The following TP73 variants were observed in gnomAD, a reference collection of about 807,000 sequenced individuals.
TP73 encodes tumor protein p73.
A neutral mutation model predicts 62.5 loss-of-function variants in TP73; 25 were observed. The observed-to-expected ratio is 0.40, with a 90% CI of 0.29 to 0.56. The LOEUF (loss-of-function observed/expected upper bound fraction) is 0.56, where lower values mean the gene tolerates loss of function less well. Among genes scored for constraint, TP73 ranks in the 20% least tolerant of loss-of-function variants. The pLI is 0.46. For synonymous variants in TP73, 423 were observed against 377.5 expected, an observed-to-expected ratio of 1.12 and a Z score of -1.40; for missense variants, 754 against 913.3, an observed-to-expected ratio of 0.83 and a Z score of 2.25.
At chr1:3,719,984 C>T (rs1405128216) in intron 4 of TP73, among the ~76,000 whole-genome samples, 2 of 151,238 alleles carry the variant, frequency 1.3e-5, no homozygotes, top group East Asian at 1.9e-4. Context: ...GGTGCGATCT[C>T]GGCTCACTGC....
Position 3,733,070 on chromosome 1 carries a change from G to C in TP73, c.1902G>C (p.Glu634Asp), listed in dbSNP as rs1011152005. The C allele has an allele frequency of 1.3e-6, 2 of 1,534,986 alleles. No homozygotes were observed. Among genetic ancestry groups the C allele is most frequent in the African/African-American group, 1.4e-5 (1 of 72,990 alleles). Residue 634 changes from glutamate to aspartate, a missense_variant, in exon 14 of 14, where the codon GAG becomes GAC. Physicochemically the swap from Glu to Asp is conservative, Grantham distance 45. This residue lies in a region of TP73 where 458 missense variants were observed against 528.7 expected (regional missense o/e 0.87). Transcript: ENST00000378295. The part of the protein sequence containing the change: ...QPIKEEFTEA[E>D]IH ...TCAAGGAGGAGTTCACGGAGGCCGAGATCCACTGAGGGCCTCGCCTGGCTG... is the reference window on the plus strand; with the variant it reads ...TCAAGGAGGAGTTCACGGAGGCCGACATCCACTGAGGGCCTCGCCTGGCTG...
chr1:3,729,625 G>A, intron 10 of TP73, 177 bp downstream of exon 10: 1 of 1,175,180 alleles, frequency 8.5e-7, no homozygotes, highest in Non-Finnish European at 1.2e-6. Context: ...TCTAGCACTT[G>A]GGGCTGCCCT....
At chr1:3,678,563 G>A (rs1173429306) in intron 1 of TP73, among the ~76,000 whole-genome samples, 4 of 152,258 alleles carry the variant, frequency 2.6e-5, no homozygotes, top group East Asian at 1.9e-4. Flanking sequence ...CAGGCATCTC[G>A]TGGCTTCCGG....
At chr1:3,669,670 G>A (rs1330892640) in intron 1 of TP73, among the ~76,000 whole-genome samples, 3 of 152,232 alleles carry the variant, frequency 2.0e-5, no homozygotes, top group Non-Finnish European at 4.4e-5. Flanking sequence ...CCATGCCCCG[G>A]CCTCCCCGGC....
rs577760486 is a variant in TP73 at position 3,682,814 on chromosome 1, G to A, written c.66-246G>A. 2.2e-4 allele frequency among the ~76,000 whole-genome samples: 33 copies of A among 152,364 alleles called. 1 individual carries two copies. In the South Asian group the frequency reaches 6.6e-3, roughly 31 times the overall value. ...CAGACTCTTTTCTCTGGCCAGCTCT[G>A]GAGAGGGCCCATGGCCAGCAGAGGC... On this transcript the variant is annotated intron_variant, in intron 2 of 13. Coordinates refer to ENST00000378295, the MANE Select transcript of TP73 (RefSeq NM_005427.4).
In TP73 at chr1:3,701,850, G is replaced by A. The variant is rs377082776; in HGVS notation, c.187-5699G>A. On this transcript the variant is annotated intron_variant, in intron 3 of 13. Coordinates refer to ENST00000378295, the MANE Select transcript of TP73 (RefSeq NM_005427.4). The surrounding 1 kb of genome is among the most constrained non-coding windows in gnomAD (Gnocchi z 4.7). ...ATCCCCACTCTGCAGATGAGAAAAC[G>A]AAGACCTAGGGAGGTGGAGCGATGG... Among the ~76,000 whole-genome samples, 27 of 152,280 alleles carry A rather than the reference G, an allele frequency of 1.8e-4. 1 individual carries two copies. The highest frequency in any genetic ancestry group is 1.4e-3 in the East Asian group (7 of 5,178).
chr1:3,732,268 CCTCG>C (rs1179679272), intron 13 of TP73, among the ~76,000 whole-genome samples: 1 of 152,216 alleles, frequency 6.6e-6, no homozygotes, highest in Non-Finnish European at 1.5e-5. Context: ...CCTAACTGTC[CCTCG>C]TGCAGAGAGT....
chr1:3,664,988 T>C (rs146057553), intron 1 of TP73, among the ~76,000 whole-genome samples: 9 of 152,122 alleles, frequency 5.9e-5, no homozygotes, highest in African/African-American at 2.2e-4. Context: ...GCCCCCAAAT[T>C]ACAGAGGAAA....
At chr1:3,724,772 A>C (rs1641367459) in intron 6 of TP73, among the ~76,000 whole-genome samples, 1 of 152,236 alleles carries the variant, frequency 6.6e-6, no homozygotes, top group Non-Finnish European at 1.5e-5. Context: ...TAATCCAAGC[A>C]CTTTGGGAGG....
chr1:3,699,124 G>A lies in TP73; in HGVS notation c.187-8425G>A, dbSNP rs1413185404. 6.6e-6 allele frequency among the ~76,000 whole-genome samples: 1 copy of A among 150,726 alleles called. No individual in the cohort carries two copies. The highest frequency in any genetic ancestry group is 1.9e-4 in the East Asian group (1 of 5,200). Reference sequence around the variant, plus strand: ...GAGCAGAGGGTGCTGTGTGCACATTGTCGGGAGAGGGAGGCTTCCCCCCAG... The same window carrying A: ...GAGCAGAGGGTGCTGTGTGCACATTATCGGGAGAGGGAGGCTTCCCCCCAG... On this transcript the variant is annotated intron_variant, in intron 3 of 13. Transcript: ENST00000378295. This position sits in a 1 kb window ranked among gnomAD's most constrained non-coding sequence, Gnocchi z 4.1.
chr1:3,686,743 C>T lies in TP73; in HGVS notation c.186+3563C>T, dbSNP rs189571787. On this transcript the variant is annotated intron_variant, in intron 3 of 13. Coordinates refer to ENST00000378295, the MANE Select transcript of TP73 (RefSeq NM_005427.4). ...AGGTGGCCCAGAAAGTCCAGCAGGC[C>T]GAGGTGGGTGTGGCTGGGGGCTCCG... 1.7e-4 allele frequency among the ~76,000 whole-genome samples: 26 copies of T among 152,264 alleles called. No individual in the cohort carries two copies. The South Asian group carries it at 3.9e-3, about 23-fold the overall frequency.
intron 10 of TP73, 153 bp downstream of exon 10, chr1:3,729,601 CCT>C: frequency 7.2e-7 from 1 of 1,387,606 alleles, no homozygotes; most frequent in Non-Finnish European, 1.0e-6. Context: ...CACATCTCCT[CCT>C]CCAGGAAGCC....
At chr1:3,710,632 C>T (rs1056150882) in intron 4 of TP73, among the ~76,000 whole-genome samples, 1 of 152,254 alleles carries the variant, frequency 6.6e-6, no homozygotes, top group Non-Finnish European at 1.5e-5. Context: ...AAAACACCCT[C>T]ACCAGCCCCC....
intron 1 of TP73, chr1:3,659,421 C>T (rs1355830769): frequency 5.9e-5 from 9 of 152,206 alleles, no homozygotes; most frequent in African/African-American, 2.2e-4. Flanking sequence ...GGGCAAAGGG[C>T]AGTTTTGTTC....
At chr1:3,683,803 A>G (rs375860673) in intron 3 of TP73, among the ~76,000 whole-genome samples, 27 of 152,274 alleles carry the variant, frequency 1.8e-4, no homozygotes, top group African/African-American at 6.5e-4. Flanking sequence ...CCTGGCCTCC[A>G]CCATCAGTGG....
chr1:3,690,924 C>T (rs1380630935), intron 3 of TP73: 13 of 1,581,234 alleles, frequency 8.2e-6, no homozygotes, highest in Non-Finnish European at 1.0e-5. Context: ...CGTCGGTGAC[C>T]CCGCACGGCA....
intron 3 of TP73, among the ~76,000 whole-genome samples, chr1:3,689,836 C>T (rs1309996711): frequency 6.6e-6 from 1 of 152,194 alleles, no homozygotes; most frequent in East Asian, 1.9e-4. Context: ...CCCCAGTCCC[C>T]AGGTTTGTCT....
rs1033327457 is a variant in TP73 at position 3,666,849 on chromosome 1, T to G, written c.-34+14208T>G. ...AAACAGAGGGCTCAGAAAAGATGTTTTTCAATGAGGGACATTTATGGTTGG... is the reference window on the plus strand; with the variant it reads ...AAACAGAGGGCTCAGAAAAGATGTTGTTCAATGAGGGACATTTATGGTTGG... On this transcript the variant is annotated intron_variant, in intron 1 of 13. Transcript: ENST00000378295. This position sits in a 1 kb window ranked among gnomAD's most constrained non-coding sequence, Gnocchi z 6.4. Among the ~76,000 whole-genome samples, 3 of 152,130 alleles carry G rather than the reference T, an allele frequency of 2.0e-5. No homozygotes were observed. The highest frequency in any genetic ancestry group is 4.8e-5 in the African/African-American group (2 of 41,432).
Position 3,730,922 on chromosome 1 carries a change from C to T in TP73, c.1346-5C>T. 2 of 1,598,106 alleles carry T rather than the reference C, an allele frequency of 1.3e-6. No individual in the cohort carries two copies. Among genetic ancestry groups the T allele is most frequent in the South Asian group, 1.1e-5 (1 of 88,842 alleles). Reference sequence around the variant, plus strand: ...CCCTGATGGCCCCACCTGCCTCTCACCCAGGCCCCGGGATGCTCAACAACC... The same window carrying T: ...CCCTGATGGCCCCACCTGCCTCTCATCCAGGCCCCGGGATGCTCAACAACC... On this transcript the variant is annotated splice_polypyrimidine_tract_variant and splice_region_variant and intron_variant, in intron 11 of 13. Coordinates refer to ENST00000378295, the MANE Select transcript of TP73 (RefSeq NM_005427.4).
Sources: gnomAD v4.1 joint callset for allele counts (sites outside exome capture counted in the v4.1 genomes callset) on GRCh38, gnomAD v4.1.1 for gene constraint, gnomAD v4.1.1 regional missense constraint, Gnocchi (gnomAD v3.1) non-coding constraint, MANE v1.5 for transcripts, NCBI Gene and HGNC (gene_info 2026-07-23, HGNC 2026-07-21) for gene names.